The following EFCAB8 variants were observed in gnomAD, a reference collection of about 807,000 sequenced individuals.
The protein encoded by EFCAB8 is EF-hand calcium binding domain 8.
Under a neutral mutation model 116.3 loss-of-function variants are expected in EFCAB8, and 100 were observed. The observed-to-expected ratio is 0.86, with a 90% CI of 0.73 to 1.02. EFCAB8 has a LOEUF of 1.02. Ranked by LOEUF, EFCAB8 falls within the 50% of genes least tolerant of loss-of-function variation. EFCAB8 has a pLI of 0.00. For missense variants in EFCAB8, 1,320 were observed against 1,416.9 expected, an observed-to-expected ratio of 0.93 and a Z score of 1.10; for synonymous variants, 558 against 567.9, an observed-to-expected ratio of 0.98 and a Z score of 0.25.
intron 23 of EFCAB8, among the ~76,000 whole-genome samples, chr20:32,954,169 G>GT (rs1261886902): frequency 6.6e-6 from 1 of 152,040 alleles, no homozygotes; most frequent in African/African-American, 2.4e-5. Context: ...TTCATTGCCT[G>GT]TTTTTTTAGT....
In EFCAB8 at chr20:32,961,351, A is replaced by G; in HGVS notation, c.3609A>G (p.Leu1203=). The G allele has an allele frequency of 4.7e-6, 7 of 1,476,180 alleles. No homozygotes were observed. The highest frequency in any genetic ancestry group is 6.3e-6 in the Non-Finnish European group (7 of 1,112,940). 91.4% of individuals were successfully genotyped at this position (1,476,180 alleles called of 1,614,324 possible). A position where few individuals can be genotyped will look rare whatever the true frequency, so the allele number is the denominator to read the frequency against. ...PAAASSPSSL[L]SVTASASRLL... is the part of the protein sequence containing the mutation. ...CCGCCTCCTCCCCATCTTCCTTGTT[A>G]TCTGTCACTGCCTCAGCCTCCAGGC... Residue 1203 remains leucine, a synonymous_variant, in exon 27 of 27, where the codon TTA becomes TTG. Coordinates refer to ENST00000400522, the MANE Select transcript of EFCAB8 (RefSeq NM_001143967.2).
chr20:32,908,715 T>G (rs1986791568), intron 14 of EFCAB8, among the ~76,000 whole-genome samples: 1 of 152,226 alleles, frequency 6.6e-6, no homozygotes, highest in African/African-American at 2.4e-5. Context: ...GAGCCCTTCC[T>G]CCATGTTTTC....
intron 4 of EFCAB8, among the ~76,000 whole-genome samples, chr20:32,877,432 C>T (rs1985036335): frequency 6.6e-6 from 1 of 152,144 alleles, no homozygotes. Flanking sequence ...TGGCCTGGAA[C>T]TCCTGACCTC....
chr20:32,936,778 T>G (rs1988133857), intron 22 of EFCAB8, among the ~76,000 whole-genome samples: 1 of 152,188 alleles, frequency 6.6e-6, no homozygotes, highest in African/African-American at 2.4e-5. Context: ...TGCTCAAGAT[T>G]GTTTTGGCTA....
intron 9 of EFCAB8, among the ~76,000 whole-genome samples, chr20:32,895,040 T>C (rs1396004439): frequency 1.3e-5 from 2 of 152,264 alleles, no homozygotes; most frequent in African/African-American, 4.8e-5. Flanking sequence ...CCATCCTTGC[T>C]GTCTCTTCCC....
At chr20:32,916,888 T>C (rs1987213005) in intron 17 of EFCAB8, among the ~76,000 whole-genome samples, 1 of 152,048 alleles carries the variant, frequency 6.6e-6, no homozygotes, top group African/African-American at 2.4e-5. Context: ...GAGTGCAATC[T>C]GAAGCGTGAG....
At chr20:32,876,427 A>G (rs1178939189) in intron 4 of EFCAB8, among the ~76,000 whole-genome samples, 1 of 150,770 alleles carries the variant, frequency 6.6e-6, no homozygotes, top group African/African-American at 2.5e-5. Context: ...TGGCTGTTAC[A>G]TCTAAAAGTG....
At chr20:32,915,946 A>G (rs1378045238) in intron 17 of EFCAB8, among the ~76,000 whole-genome samples, 1 of 152,044 alleles carries the variant, frequency 6.6e-6, no homozygotes, top group Non-Finnish European at 1.5e-5. Context: ...TGCTGGGATT[A>G]CAGGCATGAG....
chr20:32,891,133 A>G (rs878918841), intron 7 of EFCAB8, among the ~76,000 whole-genome samples: 10 of 151,880 alleles, frequency 6.6e-5, no homozygotes, highest in African/African-American at 2.4e-4. Flanking sequence ...TTTTTTTGAG[A>G]CAGTCTCACT....
At chr20:32,881,393 C>A (rs1482794263) in intron 5 of EFCAB8, among the ~76,000 whole-genome samples, 2 of 152,258 alleles carry the variant, frequency 1.3e-5, no homozygotes, top group East Asian at 3.9e-4. Context: ...GATGGAGTTT[C>A]ACCATGTTGA....
intron 23 of EFCAB8, among the ~76,000 whole-genome samples, chr20:32,953,125 A>G (rs754314009): frequency 1.3e-5 from 2 of 152,192 alleles, no homozygotes; most frequent in African/African-American, 4.8e-5. Context: ...CTCAATATTT[A>G]TTAATATTGT....
intron 24 of EFCAB8, among the ~76,000 whole-genome samples, chr20:32,959,132 G>C (rs1271462724): frequency 6.6e-6 from 1 of 152,184 alleles, no homozygotes; most frequent in South Asian, 2.1e-4. Context: ...CTTGTGCTAG[G>C]TTCTAGAAAT....
At chr20:32,960,304 T>C in intron 26 of EFCAB8, 143 bp downstream of exon 26, 3 of 808,074 alleles carry the variant, frequency 3.7e-6, no homozygotes, top group Non-Finnish European at 6.0e-6. Context: ...TTCTGGGCCA[T>C]GGACAGGTCT....
At position 32,958,530 on chromosome 20, in the gene EFCAB8, G is replaced by A. The variant is rs1989043210; in HGVS notation, c.3069G>A (p.Lys1023=). 1 of 416,526 alleles carries A rather than the reference G, an allele frequency of 2.4e-6. No individual in the cohort carries two copies. Among genetic ancestry groups the A allele is most frequent in the Non-Finnish European group, 4.4e-6 (1 of 226,354 alleles). 25.8% of individuals were successfully genotyped at this position (416,526 alleles called of 1,614,324 possible). ...GTGACTCCACTGGCACCACCCAGAA[G>A]GTCTTACATCTGGAGCTGCAGTGAG... ...EDGDSTGTTQ[K]VLHLELQEQR... The change falls in exon 24 of 27, where the codon AAG becomes AAA. Residue 1023 remains lysine (K), a synonymous_variant. Coordinates refer to ENST00000400522, the MANE Select transcript of EFCAB8 (RefSeq NM_001143967.2).
intron 22 of EFCAB8, among the ~76,000 whole-genome samples, chr20:32,939,113 CTCTCTTTCTTTCTCTT>C (rs1279449206): frequency 2.3e-5 from 3 of 128,696 alleles, no homozygotes; most frequent in East Asian, 4.8e-4. Context: ...TCCTTTCTTT[CTCTCTTTCTTTCTCTT>C]TCTTTCTTTC....
rs1983962579 is a variant in EFCAB8, at chr20:32,858,978, A to C, written c.-39A>C. 1 of 471,032 alleles carries C rather than the reference A, an allele frequency of 2.1e-6. No homozygotes were observed. Among genetic ancestry groups the C allele is most frequent in the Non-Finnish European group, 4.4e-6 (1 of 227,046 alleles). The allele number at this position is 471,032 out of a possible 1,614,324, so 29.2% of individuals were successfully genotyped here. On this transcript the variant is annotated 5_prime_UTR_variant, in exon 1 of 27. Transcript: ENST00000400522. ...CACTTTGCCAGACTTTGCCAGCAAG[A>C]TTAACTGAGGAGATCAAATTGAGTC...
intron 11 of EFCAB8, among the ~76,000 whole-genome samples, chr20:32,900,131 AG>A (rs1471719232): frequency 6.6e-6 from 1 of 152,100 alleles, no homozygotes; most frequent in South Asian, 2.1e-4. Context: ...GGGTGAGGCC[AG>A]GGTGGGGTTG....
At chr20:32,866,067 T>C (rs966197224) in intron 2 of EFCAB8, among the ~76,000 whole-genome samples, 1 of 151,956 alleles carries the variant, frequency 6.6e-6, no homozygotes, top group African/African-American at 2.4e-5. Flanking sequence ...GGAGTCTGGG[T>C]GTGTAGTGAG....
rs147278342 is a variant in EFCAB8 at position 32,880,202 on chromosome 20, C to T, written c.431+1395C>T. Among the ~76,000 whole-genome samples, 9 of 152,180 alleles carry T rather than the reference C, an allele frequency of 5.9e-5. No homozygotes were observed. In the South Asian group the frequency reaches 1.5e-3, roughly 25 times the overall value. On this transcript the variant is annotated intron_variant, in intron 5 of 26. Coordinates refer to ENST00000400522, the MANE Select transcript of EFCAB8 (RefSeq NM_001143967.2). ...ACGGGGAAGTCAAAGAGCTGGAAGG[C>T]AGCCCCGGTCCTCAGGCAGCCTGGG...
Sources: allele counts gnomAD v4.1 joint callset (sites outside exome capture counted in the v4.1 genomes callset), GRCh38; gene constraint gnomAD v4.1.1; transcripts MANE v1.5; gene names NCBI Gene and HGNC (gene_info 2026-07-23, HGNC 2026-07-21).